Variants in EEF2KMT observed in about 807,000 individuals in gnomAD.
The protein encoded by EEF2KMT is eukaryotic elongation factor 2 lysine methyltransferase.
EEF2KMT carries 30 observed loss-of-function variants against 35.1 expected under a neutral mutation model. The observed-to-expected ratio is 0.85, with a 90% CI of 0.64 to 1.16. The LOEUF (loss-of-function observed/expected upper bound fraction) is 1.16, where lower values mean the gene tolerates loss of function less well. Among genes scored for constraint, EEF2KMT ranks in the 50% most tolerant of loss-of-function variants. The pLI, the probability that EEF2KMT is intolerant of heterozygous loss-of-function variation, is 0.00. For synonymous variants in EEF2KMT, 190 were observed against 187.7 expected (o/e 1.01, Z -0.10); for missense variants, 499 against 438.2 (o/e 1.14, Z -1.24).
chr16:5,092,344 G>A (rs1957358040), intron 3 of EEF2KMT, among the ~76,000 whole-genome samples: 1 of 152,188 alleles, frequency 6.6e-6, no homozygotes, highest in South Asian at 2.1e-4. Context: ...AGTGAGCCCA[G>A]GCAGAAGTGT....
intron 2 of EEF2KMT, among the ~76,000 whole-genome samples, chr16:5,095,124 C>G (rs1450464721): frequency 2.0e-5 from 3 of 152,230 alleles, no homozygotes; most frequent in Admixed American, 6.5e-5. Flanking sequence ...AAAAGAAAGT[C>G]TCTGAACATC....
chr16:5,093,402 C>T, intron 3 of EEF2KMT, 82 bp downstream of exon 3: 15 of 1,603,138 alleles, frequency 9.4e-6, no homozygotes, highest in Non-Finnish European at 1.2e-5. Context: ...CAAAGCAGGC[C>T]CAGGGCCTGG....
chr16:5,097,186 C>G, intron 1 of EEF2KMT: 1 of 825,966 alleles, frequency 1.2e-6, no homozygotes, highest in Non-Finnish European at 1.6e-6. Context: ...AGAGCATGAG[C>G]CGATTCTGTG....
At chr16:5,086,354 C>T (rs1166802630) in intron 7 of EEF2KMT, 1 of 147,742 alleles carries the variant, frequency 6.8e-6, no homozygotes, top group Non-Finnish European at 1.5e-5. Flanking sequence ...AAAAAAAAAC[C>T]ACACGCACCA....
chr16:5,096,109 T>G (rs113685770), intron 1 of EEF2KMT, among the ~76,000 whole-genome samples: 57 of 152,202 alleles, frequency 3.7e-4, no homozygotes, highest in African/African-American at 1.1e-3. Context: ...TGCCTTGGTG[T>G]TGTTCCTCAA....
Position 5,090,068 on chromosome 16 carries a change from C to G in EEF2KMT, c.742+16G>C, listed in dbSNP as rs759361200. 1 of 1,601,292 alleles carries G rather than the reference C, an allele frequency of 6.2e-7. No homozygotes were observed. The highest frequency in any genetic ancestry group is 8.5e-7 in the Non-Finnish European group (1 of 1,179,764). Reference sequence around the variant, plus strand: ...AAGGACACCACCTGCACAGGGTGCCCGGGGCTGGGCATTACCTGCTGCAAT... The same window carrying G: ...AAGGACACCACCTGCACAGGGTGCCGGGGGCTGGGCATTACCTGCTGCAAT... On this transcript the variant is annotated intron_variant, in intron 6 of 7. Transcript: ENST00000427587. The surrounding 1 kb of genome is among the most constrained non-coding windows in gnomAD (Gnocchi z 4.1).
rs1957463262 is a variant in EEF2KMT at position 5,096,317 on chromosome 16, C to T, written c.97-803G>A. On this transcript the variant is annotated intron_variant, in intron 1 of 7. Transcript: ENST00000427587. ...TTCCCTGTTTTATTGGCTTTAAAGCCACTGTCATCTGGTCTTTTCTTGTTT... is the reference window on the plus strand; with the variant it reads ...TTCCCTGTTTTATTGGCTTTAAAGCTACTGTCATCTGGTCTTTTCTTGTTT... Among the ~76,000 whole-genome samples the T allele has an allele frequency of 3.9e-5, 6 of 152,310 alleles. No homozygotes were observed. The South Asian group carries it at 1.2e-3, about 32-fold the overall frequency.
Position 5,094,387 on chromosome 16 carries a change from T to G in EEF2KMT, c.160-823A>C, listed in dbSNP as rs191044039. Among the ~76,000 whole-genome samples, 35 of 152,244 alleles carry G rather than the reference T, an allele frequency of 2.3e-4. No individual in the cohort carries two copies. In the East Asian group the frequency reaches 6.8e-3, roughly 29 times the overall value. On this transcript the variant is annotated intron_variant, in intron 2 of 7. Transcript: ENST00000427587. ...AAGCGATTCTCCTGCCTCAGCCTCCTGAGTAGCTGGGACTATAGGCATGTA... is the reference window on the plus strand; with the variant it reads ...AAGCGATTCTCCTGCCTCAGCCTCCGGAGTAGCTGGGACTATAGGCATGTA...
chr16:5,095,455 G>C lies in EEF2KMT; in HGVS notation c.156C>G (p.His52Gln), dbSNP rs1341815094. The change falls in exon 2 of 8, where the codon CAC becomes CAG. Residue 52 changes from histidine to glutamine, a missense_variant. By Grantham distance (24) the His-to-Gln change is conservative. Transcript: ENST00000427587. ...SDSELLRDIL[H>Q]KTVKHPVCVK... ...CCAGGGACTCTGGGATTCTTACCTT[G>C]TGCAAAATATCCCGCAGCAGCTCAG... The C allele has an allele frequency of 1.2e-6, 2 of 1,611,682 alleles. No homozygotes were observed. The highest frequency in any genetic ancestry group is 1.7e-6 in the Non-Finnish European group (2 of 1,179,602).
intron 3 of EEF2KMT, among the ~76,000 whole-genome samples, chr16:5,092,409 G>A (rs941458647): frequency 7.2e-5 from 11 of 152,210 alleles, no homozygotes; most frequent in African/African-American, 2.7e-4. Context: ...CTCCACAGCT[G>A]GCCCCGTCCT....
chr16:5,090,363 A>G lies in EEF2KMT; in HGVS notation c.477-14T>C. ...TCTAGGACAGTCCTGGCGGGAGGAA[A>G]GGGGACCGTGTCTGCGACTGCACCA... On this transcript the variant is annotated splice_polypyrimidine_tract_variant and intron_variant, in intron 5 of 7. Transcript: ENST00000427587. The surrounding 1 kb of genome is among the most constrained non-coding windows in gnomAD (Gnocchi z 4.1). 6.2e-7 allele frequency: 1 copy of G among 1,612,050 alleles called. No homozygotes were observed. Among genetic ancestry groups the G allele is most frequent in the South Asian group, 1.1e-5 (1 of 90,988 alleles).
chr16:5,095,000 T>A (rs1397784300), intron 2 of EEF2KMT, among the ~76,000 whole-genome samples: 1 of 152,208 alleles, frequency 6.6e-6, no homozygotes, highest in Non-Finnish European at 1.5e-5. Flanking sequence ...GTGGTGATCC[T>A]GCCTCTCACC....
intron 7 of EEF2KMT, chr16:5,087,148 C>T (rs1336472191): frequency 6.6e-6 from 1 of 152,090 alleles, no homozygotes; most frequent in Non-Finnish European, 1.5e-5. Flanking sequence ...CTGTGCCACA[C>T]TGGAAGAAGA....
At chr16:5,086,153 T>C (rs1414446298) in intron 7 of EEF2KMT, among the ~76,000 whole-genome samples, 1 of 152,050 alleles carries the variant, frequency 6.6e-6, no homozygotes, top group Non-Finnish European at 1.5e-5. Context: ...CTGGCCAACA[T>C]GGTGAAATCC....
At chr16:5,095,040 C>T (rs1018892703) in intron 2 of EEF2KMT, among the ~76,000 whole-genome samples, 8 of 152,284 alleles carry the variant, frequency 5.3e-5, no homozygotes, top group Admixed American at 1.3e-4. Context: ...GTCCAAACCC[C>T]ACCCTGGGCA....
At chr16:5,093,262 G>A (rs922161589) in intron 3 of EEF2KMT, among the ~76,000 whole-genome samples, 5 of 151,998 alleles carry the variant, frequency 3.3e-5, no homozygotes, top group African/African-American at 9.7e-5. Flanking sequence ...AGCAGCTGCC[G>A]TGGAAACCCC....
At chr16:5,096,569 C>T (rs1957471652) in intron 1 of EEF2KMT, among the ~76,000 whole-genome samples, 1 of 152,162 alleles carries the variant, frequency 6.6e-6, no homozygotes, top group Admixed American at 6.5e-5. Context: ...CATTATATCC[C>T]CCATTTTATT....
chr16:5,094,098 G>A (rs1335565770), intron 2 of EEF2KMT, among the ~76,000 whole-genome samples: 1 of 152,232 alleles, frequency 6.6e-6, no homozygotes, highest in Non-Finnish European at 1.5e-5. Context: ...ACTTGGAAAG[G>A]AGGGCAGAGG....
At chr16:5,092,686 G>A (rs1422236831) in intron 3 of EEF2KMT, among the ~76,000 whole-genome samples, 1 of 152,246 alleles carries the variant, frequency 6.6e-6, no homozygotes, top group Non-Finnish European at 1.5e-5. Flanking sequence ...TCCTAGGCCA[G>A]GTGCGGTGGC....
Sources: allele counts gnomAD v4.1 joint callset (sites outside exome capture counted in the v4.1 genomes callset), GRCh38; gene constraint gnomAD v4.1.1; non-coding constraint Gnocchi (gnomAD v3.1); transcripts MANE v1.5; gene names NCBI Gene and HGNC (gene_info 2026-07-23, HGNC 2026-07-21).